CENPF: variants seen among roughly 807,000 people sequenced by gnomAD.
CENPF encodes AH antigen.
A neutral mutation model predicts 307.3 loss-of-function variants in CENPF; 214 were observed. The observed-to-expected ratio is 0.70, with a 90% confidence interval of 0.62 to 0.78. The LOEUF is 0.78. Among genes scored for constraint, CENPF ranks in the 30% least tolerant of loss-of-function variants. The pLI is 0.00. For synonymous variants in CENPF, 1,259 were observed against 1,270.6 expected, an observed-to-expected ratio of 0.99 and a Z score of 0.19; for missense variants, 3,401 against 3,483.9, an observed-to-expected ratio of 0.98 and a Z score of 0.60.
At chr1:214,655,716 G>A (rs1215568147) in intron 17 of CENPF, among the ~76,000 whole-genome samples, 13 of 151,978 alleles carry the variant, frequency 8.6e-5, no homozygotes, top group Admixed American at 7.9e-4. Context: ...TCAGCCTCCC[G>A]AGTAGCTGGA....
chr1:214,624,723 T>C (rs1268855787), intron 7 of CENPF, among the ~76,000 whole-genome samples: 1 of 152,202 alleles, frequency 6.6e-6, no homozygotes, highest in Non-Finnish European at 1.5e-5. Context: ...TGATTTTTTT[T>C]TTTCTCTGTT....
chr1:214,642,040 G>A lies in CENPF; in HGVS notation c.3702G>A (p.Leu1234=), dbSNP rs372468473. The change falls in exon 12 of 20, where the codon CTG becomes CTA. Residue 1234 remains leucine, a synonymous_variant. Coordinates refer to ENST00000366955, the MANE Select transcript of CENPF (RefSeq NM_016343.4). ...LQESEKEKEC[L]QHELQTIRGD... The stretch of plus-strand genomic sequence containing the variant: ...AAAGTGAGAAGGAGAAGGAGTGCCT[G>A]CAGCATGAATTACAGACAATTAGAG... 1.2e-6 allele frequency: 2 copies of A among 1,610,546 alleles called. No individual in the cohort carries two copies. The highest frequency in any genetic ancestry group is 1.3e-5 in the African/African-American group (1 of 74,594).
At chr1:214,617,303 C>T (rs1299073968) in intron 3 of CENPF, among the ~76,000 whole-genome samples, 1 of 152,156 alleles carries the variant, frequency 6.6e-6, no homozygotes, top group Non-Finnish European at 1.5e-5. Flanking sequence ...CCGCCTTGGT[C>T]TCCCAAAGTG....
Position 214,613,971 on chromosome 1 carries a change from G to C in CENPF, c.162+55G>C, listed in dbSNP as rs113840975. 5.9e-4 allele frequency: 871 copies of C among 1,469,444 alleles called. 7 individuals are homozygous for C. The African/African-American group carries it at 0.011, about 19-fold the overall frequency. 91.0% of individuals were successfully genotyped at this position (1,469,444 alleles called of 1,614,324 possible). On this transcript the variant is annotated intron_variant, in intron 2 of 19. Coordinates refer to ENST00000366955, the MANE Select transcript of CENPF (RefSeq NM_016343.4). ...GTTCACTCATTATTGACAGAGAAGT[G>C]CTGGTATTTAAAACTGTTCACTCAT...
At chr1:214,623,250 T>C (rs1370058825) in intron 7 of CENPF, among the ~76,000 whole-genome samples, 1 of 152,202 alleles carries the variant, frequency 6.6e-6, no homozygotes, top group Non-Finnish European at 1.5e-5. Flanking sequence ...TACAGACCTT[T>C]TTTTCCTTGT....
In CENPF at chr1:214,644,819, C is replaced by T; in HGVS notation, c.5249C>T (p.Ser1750Leu). The T allele has an allele frequency of 6.2e-7, 1 of 1,613,984 alleles. No homozygotes were observed. The highest frequency in any genetic ancestry group is 1.1e-5 in the South Asian group (1 of 91,066). ...QGSSECISEL[S>L]FSGPNALVPM... ...TCTTCAGAATGCATTTCTGAATTGTCATTTTCTGGTCCTAATGCTTTGGTA... is the reference window on the plus strand; with the variant it reads ...TCTTCAGAATGCATTTCTGAATTGTTATTTTCTGGTCCTAATGCTTTGGTA... The change falls in exon 13 of 20, where the codon TCA (serine) becomes TTA (leucine). Residue 1750 changes from serine to leucine, a missense_variant. Coordinates refer to ENST00000366955, the MANE Select transcript of CENPF (RefSeq NM_016343.4).
chr1:214,629,024 G>C, intron 7 of CENPF, 22 bp from the exon 8 acceptor site: 1 of 1,517,090 alleles, frequency 6.6e-7, no homozygotes, highest in South Asian at 1.3e-5. Context: ...ATTTTGTCTT[G>C]AACATTTTTA....
rs747535480 is a variant in CENPF at position 214,640,390 on chromosome 1, C to G, written c.2052C>G (p.Asn684Lys). 4.3e-6 allele frequency: 7 copies of G among 1,613,944 alleles called. No individual in the cohort carries two copies. In the East Asian group the frequency reaches 1.6e-4, roughly 36 times the overall value. ...NLSVEIRNLH[N>K]VLDSKSVEVE... The stretch of plus-strand genomic sequence containing the variant: ...GTGTCGAGATCAGAAACCTTCACAA[C>G]GTGTTAGACAGTAAGTCAGTGGAGG... Residue 684 changes from asparagine (N) to lysine (K), a missense_variant, in exon 12 of 20, where the codon AAC (asparagine) becomes AAG (lysine). Asn to Lys is a moderately conservative substitution (Grantham distance 94, BLOSUM62 0). Coordinates refer to ENST00000366955, the MANE Select transcript of CENPF (RefSeq NM_016343.4).
At chr1:214,662,951 C>A (rs1340836358) in intron 19 of CENPF, among the ~76,000 whole-genome samples, 1 of 151,992 alleles carries the variant, frequency 6.6e-6, no homozygotes, top group Non-Finnish European at 1.5e-5. Flanking sequence ...GACCCAATTT[C>A]AAAAAATCTT....
rs1006346981 is a variant in CENPF at position 214,608,597 on chromosome 1, C to T, written c.-41-5117C>T. 17 of 1,608,748 alleles carry T rather than the reference C, an allele frequency of 1.1e-5. No homozygotes were observed. In the Admixed American group the frequency reaches 1.3e-4, roughly 13 times the overall value. Reference sequence around the variant, plus strand: ...GGGAAGACCTCAATGGTGTCCAGCTCGCGCTGGCTGTACTGGAAGTCGGCG... The same window carrying T: ...GGGAAGACCTCAATGGTGTCCAGCTTGCGCTGGCTGTACTGGAAGTCGGCG... On this transcript the variant is annotated intron_variant, in intron 1 of 19. Transcript: ENST00000366955.
chr1:214,608,833 C>G (rs2102525161), intron 1 of CENPF: 2 of 1,587,452 alleles, frequency 1.3e-6, no homozygotes, highest in East Asian at 4.6e-5. Flanking sequence ...CAGCGACAGC[C>G]CGTTCATGGC....
intron 1 of CENPF, among the ~76,000 whole-genome samples, chr1:214,609,268 G>A (rs1294336453): frequency 6.6e-6 from 1 of 152,134 alleles, no homozygotes. Flanking sequence ...TGTCTGTCTG[G>A]AGCATGACTT....
intron 16 of CENPF, chr1:214,653,628 T>C (rs1658551514): frequency 6.5e-6 from 1 of 154,292 alleles, no homozygotes; most frequent in African/African-American, 2.4e-5. Context: ...TGAACCTGGA[T>C]AATAAATATC....
Position 214,646,360 on chromosome 1 carries a change from C to T in CENPF, c.6790C>T (p.Gln2264Ter). ...AACTGCAGTGGAGATGCTTCAGAAT[C>T]AGTTAAAGGAGCTAAATGAGGCAGT... ...SKTAVEMLQN[Q>*]LKELNEAVAA... The change falls in exon 13 of 20, where the codon CAG (glutamine) becomes TAG (stop). Residue 2264 changes from glutamine (Q) to a stop codon, truncating the protein, a stop_gained. Transcript: ENST00000366955. LOFTEE classifies it high-confidence loss of function. 6.2e-7 allele frequency: 1 copy of T among 1,613,856 alleles called. No homozygotes were observed. The highest frequency in any genetic ancestry group is 1.1e-5 in the South Asian group (1 of 91,018).
At position 214,630,602 on chromosome 1, in the gene CENPF, C is replaced by T. The variant is rs1400754549; in HGVS notation, c.1263C>T (p.Leu421=). The change falls in exon 9 of 20, where the codon CTC becomes CTT. Residue 421 remains leucine (L), a synonymous_variant. Transcript: ENST00000366955. ...AGTGCATCCAGATGAAGGCCAGACT[C>T]ACCCAGGAGTTACAGCAAGCCAAGA... ...DQECIQMKAR[L]TQELQQAKNM... is the part of the protein sequence containing the mutation. 17 of 1,614,080 alleles carry T rather than the reference C, an allele frequency of 1.1e-5. No individual in the cohort carries two copies. The highest frequency in any genetic ancestry group is 2.2e-5 in the East Asian group (1 of 44,898).
rs761288863 is a variant in CENPF, at chr1:214,647,303, CTT to C, written c.7735_7736del (p.Leu2579AlafsTer17). ...CAAGTGCTACAATCCAAAAATGCCTCTTTGCAGGACACATTAGAAGTGCTGCA... is the reference window on the plus strand; with the variant it reads ...CAAGTGCTACAATCCAAAAATGCCTCTGCAGGACACATTAGAAGTGCTGCA... On this transcript the variant is annotated frameshift_variant, in exon 13 of 20. Coordinates refer to ENST00000366955, the MANE Select transcript of CENPF (RefSeq NM_016343.4). LOFTEE classifies it high-confidence loss of function. 1.4e-5 allele frequency: 23 copies of C among 1,613,912 alleles called. No homozygotes were observed. In the South Asian group the frequency reaches 2.5e-4, roughly 18 times the overall value.
rs370290538 is a variant in CENPF, at chr1:214,643,580, G to T, written c.4986+256G>T. On this transcript the variant is annotated intron_variant, in intron 12 of 19. Coordinates refer to ENST00000366955, the MANE Select transcript of CENPF (RefSeq NM_016343.4). ...GAATATTACTAAAGATGTTTTTAAA[G>T]TCTGGAGAAAATTATATTATGGAGT... 9.9e-5 allele frequency among the ~76,000 whole-genome samples: 15 copies of T among 152,262 alleles called. No homozygotes were observed. In the South Asian group the frequency reaches 1.0e-3, roughly 11 times the overall value.
At chr1:214,654,127 A>T (rs1658565051) in intron 16 of CENPF, 1 of 152,008 alleles carries the variant, frequency 6.6e-6, no homozygotes, top group African/African-American at 2.4e-5. Context: ...TCATGATGCC[A>T]TATCAGATGG....
In CENPF at chr1:214,641,198, G is replaced by A. The variant is rs1342326282; in HGVS notation, c.2860G>A (p.Glu954Lys). 1 of 1,608,628 alleles carries A rather than the reference G, an allele frequency of 6.2e-7. No homozygotes were observed. The highest frequency in any genetic ancestry group is 1.7e-5 in the Admixed American group (1 of 58,708). ...LQLLSETLSL[E>K]KKEMSSIISL... ...ACTTTTATCCGAAACCCTAAGCTTG[G>A]AGAAGAAAGAAATGAGTTCCATCAT... Residue 954 changes from glutamate (E) to lysine (K), a missense_variant, in exon 12 of 20, where the codon GAG becomes AAG. Glu to Lys is a moderately conservative substitution (Grantham distance 56). Transcript: ENST00000366955.
Sources: allele counts gnomAD v4.1 joint callset (sites outside exome capture counted in the v4.1 genomes callset), GRCh38; gene constraint gnomAD v4.1.1; transcripts MANE v1.5; gene names NCBI Gene and HGNC (gene_info 2026-07-23, HGNC 2026-07-21).